The following VWA8 variants were observed in gnomAD, a reference collection of about 807,000 sequenced individuals.
The protein encoded by VWA8 is von Willebrand factor A domain containing 8.
A neutral mutation model predicts 241.5 loss-of-function variants in VWA8; 221 were observed. The ratio of observed to expected loss-of-function variants is 0.91; its 90% confidence interval spans 0.82 to 1.02. The LOEUF (loss-of-function observed/expected upper bound fraction) is 1.02. VWA8 is among the 50% of genes least tolerant of loss of function. The pLI is 0.00. For missense variants in VWA8, 2,322 were observed against 2,328.7 expected, an observed-to-expected ratio of 1.00 and a Z score of 0.06; for synonymous variants, 852 against 827.1, an observed-to-expected ratio of 1.03 and a Z score of -0.52.
At chr13:41,838,643 C>T (rs1044428383) in intron 12 of VWA8, among the ~76,000 whole-genome samples, 8 of 151,876 alleles carry the variant, frequency 5.3e-5, no homozygotes, top group Non-Finnish European at 8.8e-5. Context: ...GAAAACTAAA[C>T]AAGGAAAGAT....
chr13:41,602,472 A>G (rs1019649256), intron 40 of VWA8, among the ~76,000 whole-genome samples: 3 of 152,148 alleles, frequency 2.0e-5, no homozygotes, highest in Non-Finnish European at 2.9e-5. Flanking sequence ...AATGGAACCA[A>G]TATTTCACAG....
chr13:41,624,161 GA>G (rs1254582681), intron 37 of VWA8, among the ~76,000 whole-genome samples: 1 of 152,154 alleles, frequency 6.6e-6, no homozygotes, highest in East Asian at 1.9e-4. Context: ...AACATGTTCA[GA>G]AATTGAATCA....
At chr13:41,923,604 C>A (rs1876673045) in intron 2 of VWA8, among the ~76,000 whole-genome samples, 1 of 152,114 alleles carries the variant, frequency 6.6e-6, no homozygotes, top group South Asian at 2.1e-4. Context: ...GCTGCTGCAT[C>A]TGCCTGTGGG....
At chr13:41,828,282 A>G (rs1376653906) in intron 14 of VWA8, among the ~76,000 whole-genome samples, 4 of 152,166 alleles carry the variant, frequency 2.6e-5, no homozygotes, top group Non-Finnish European at 4.4e-5. Flanking sequence ...AATACACTTA[A>G]TTATCTTTTA....
intron 2 of VWA8, among the ~76,000 whole-genome samples, chr13:41,932,249 C>CT (rs1224994536): frequency 6.6e-6 from 1 of 151,910 alleles, no homozygotes; most frequent in African/African-American, 2.4e-5. Flanking sequence ...GAGTCAGCTC[C>CT]TTTTTTAGTT....
chr13:41,920,289 C>A (rs1876456995), intron 2 of VWA8, among the ~76,000 whole-genome samples: 1 of 152,140 alleles, frequency 6.6e-6, no homozygotes, highest in Non-Finnish European at 1.5e-5. Flanking sequence ...CCCTTCTTCC[C>A]TGGAGCCATG....
At chr13:41,769,077 T>C (rs2045800054) in intron 20 of VWA8, among the ~76,000 whole-genome samples, 1 of 152,156 alleles carries the variant, frequency 6.6e-6, no homozygotes, top group African/African-American at 2.4e-5. Flanking sequence ...TAATTAATTT[T>C]GGTATTTTCC....
intron 2 of VWA8, among the ~76,000 whole-genome samples, chr13:41,937,208 G>T (rs1038324364): frequency 2.0e-5 from 3 of 152,106 alleles, no homozygotes; most frequent in African/African-American, 7.2e-5. Flanking sequence ...CACAGACTGG[G>T]GGGAGGGAAA....
At chr13:41,708,164 C>A (rs1201001969) in intron 26 of VWA8, among the ~76,000 whole-genome samples, 1 of 151,950 alleles carries the variant, frequency 6.6e-6, no homozygotes, top group East Asian at 1.9e-4. Flanking sequence ...TCGAGACCAG[C>A]CTGACCAACA....
At chr13:41,895,834 T>TTC (rs1048963274) in intron 4 of VWA8, among the ~76,000 whole-genome samples, 9 of 150,410 alleles carry the variant, frequency 6.0e-5, no homozygotes, top group Admixed American at 6.6e-5. Context: ...AAATTTTCTT[T>TTC]TTTTTTTTTT....
At chr13:41,718,364 T>C (rs1469635551) in intron 26 of VWA8, among the ~76,000 whole-genome samples, 1 of 151,924 alleles carries the variant, frequency 6.6e-6, no homozygotes, top group Non-Finnish European at 1.5e-5. Flanking sequence ...GTTATACCCA[T>C]TAAATTACTG....
chr13:41,857,562 T>C (rs955258370), intron 12 of VWA8, among the ~76,000 whole-genome samples: 8 of 152,188 alleles, frequency 5.3e-5, no homozygotes, highest in African/African-American at 1.9e-4. Flanking sequence ...ATATTTATAA[T>C]TTTACAAGTA....
chr13:41,645,965 ATTT>A lies in VWA8; in HGVS notation c.4611+24978_4611+24980del, dbSNP rs66526705. Among the ~76,000 whole-genome samples the A allele has an allele frequency of 5.1e-5, 7 of 136,502 alleles. No individual in the cohort carries two copies. The East Asian group carries it at 6.2e-4, about 12-fold the overall frequency. 89.6% of individuals were successfully genotyped at this position (136,502 alleles called of 152,430 possible). ...TTAAGATTCTTATCAAATTTTCCTG[ATTT>A]TTTTTTTTTTTTTTTGAGACGGAGT... is the stretch of plus-strand genomic sequence containing the variant. On this transcript the variant is annotated intron_variant, in intron 37 of 44. Transcript: ENST00000379310.
chr13:41,783,639 G>C (rs927971334), intron 19 of VWA8, among the ~76,000 whole-genome samples, 156 bp downstream of exon 19: 1 of 111,838 alleles, frequency 8.9e-6, no homozygotes, highest in Non-Finnish European at 1.9e-5. Context: ...CTGCATCACA[G>C]AAAAAAAAAA....
At chr13:41,691,652 A>G (rs917685983) in intron 31 of VWA8, among the ~76,000 whole-genome samples, 1 of 152,166 alleles carries the variant, frequency 6.6e-6, no homozygotes, top group Non-Finnish European at 1.5e-5. Context: ...AATGGAAAGT[A>G]GTAACCATTG....
chr13:41,784,586 C>A (rs1256892247), intron 18 of VWA8, among the ~76,000 whole-genome samples: 1 of 18 alleles, frequency 0.056, no homozygotes, highest in Non-Finnish European at 0.1. Context: ...ATTGCTTGAG[C>A]CTGGAGGTTG....
intron 37 of VWA8, among the ~76,000 whole-genome samples, chr13:41,642,562 CAAAAAAAA>C (rs1156882566): frequency 1.8e-4 from 11 of 61,556 alleles, no homozygotes; most frequent in African/African-American, 5.0e-4. Context: ...CCGTCTCAAA[CAAAAAAAA>C]AAAAAAAAGA....
intron 21 of VWA8, among the ~76,000 whole-genome samples, chr13:41,739,835 T>G (rs1306323906): frequency 7.1e-5 from 4 of 56,410 alleles, no homozygotes; most frequent in African/African-American, 1.7e-4. Flanking sequence ...TTGTTTTTTT[T>G]TTTGTTTTTT....
chr13:41,921,732 G>A (rs1392649510), intron 2 of VWA8, among the ~76,000 whole-genome samples: 3 of 152,182 alleles, frequency 2.0e-5, no homozygotes, highest in Admixed American at 6.5e-5. Flanking sequence ...TACAAGGGAT[G>A]TGAAGGACCT....
Sources: gnomAD v4.1 joint callset for allele counts (sites outside exome capture counted in the v4.1 genomes callset) on GRCh38, gnomAD v4.1.1 for gene constraint, MANE v1.5 for transcripts, NCBI Gene and HGNC (gene_info 2026-07-23, HGNC 2026-07-21) for gene names.